Variants in RAPGEF4 observed in about 807,000 individuals in gnomAD.
RAPGEF4 encodes Rap guanine nucleotide exchange factor 4.
RAPGEF4 carries 66 observed loss-of-function variants against 147.9 expected under a neutral mutation model. That is an observed-to-expected ratio of 0.45 (90% CI 0.37 to 0.55). The LOEUF (loss-of-function observed/expected upper bound fraction) is 0.55, where lower values mean the gene tolerates loss of function less well. Ranked by LOEUF, RAPGEF4 falls within the 20% of genes least tolerant of loss-of-function variation. RAPGEF4 has a pLI of 0.00. For missense variants in RAPGEF4, 1,071 were observed against 1,257.3 expected, an observed-to-expected ratio of 0.85 and a Z score of 2.24; for synonymous variants, 419 against 442.7, an observed-to-expected ratio of 0.95 and a Z score of 0.67.
intron 7 of RAPGEF4, 59 bp from the exon 8 acceptor site, chr2:172,961,059 GGTTT>G: frequency 8.0e-7 from 1 of 1,245,698 alleles, no homozygotes. Context: ...GGATTTGTTT[GGTTT>G]GTTTTCCTTC....
intron 4 of RAPGEF4, among the ~76,000 whole-genome samples, chr2:172,836,924 AG>A: frequency 6.6e-6 from 1 of 152,284 alleles, no homozygotes; most frequent in South Asian, 2.1e-4. Context: ...ATTCAGAGTG[AG>A]AGATTTGTGA....
In RAPGEF4 at chr2:172,873,434, T is replaced by C. The variant is rs373891280; in HGVS notation, c.445-44368T>C. On this transcript the variant is annotated intron_variant, in intron 4 of 30. Coordinates refer to ENST00000397081, the MANE Select transcript of RAPGEF4 (RefSeq NM_007023.4). ...TTATAACCTTGGCATAGTCTTTAGA[T>C]TGTATATCTTACAAAGGATACAAGA... is the stretch of plus-strand genomic sequence containing the variant. Among the ~76,000 whole-genome samples, 252 of 152,352 alleles carry C rather than the reference T, an allele frequency of 1.7e-3. 1 individual carries two copies. The highest frequency in any genetic ancestry group is 5.6e-3 in the African/African-American group (233 of 41,590).
intron 3 of RAPGEF4, among the ~76,000 whole-genome samples, chr2:172,809,703 A>G (rs1467412066): frequency 6.6e-6 from 1 of 151,802 alleles, no homozygotes; most frequent in East Asian, 1.9e-4. Context: ...GCTAATTTTT[A>G]ATTTATTTTT....
chr2:172,757,215 A>G (rs1209103235), intron 1 of RAPGEF4, among the ~76,000 whole-genome samples: 2 of 152,238 alleles, frequency 1.3e-5, no homozygotes, highest in African/African-American at 4.8e-5. Context: ...ATTTCATACA[A>G]GTTTATCCCA....
intron 4 of RAPGEF4, chr2:172,822,092 T>A: frequency 1.5e-6 from 2 of 1,313,782 alleles, no homozygotes; most frequent in South Asian, 2.7e-5. Flanking sequence ...TCTAATTATG[T>A]TCCACCAGAC....
intron 4 of RAPGEF4, among the ~76,000 whole-genome samples, chr2:172,882,156 C>A (rs1696703172): frequency 1.3e-5 from 2 of 152,170 alleles, no homozygotes; most frequent in South Asian, 4.1e-4. Context: ...AACCATCTGT[C>A]CTTGTGTTCC....
intron 6 of RAPGEF4, among the ~76,000 whole-genome samples, chr2:172,951,307 A>G (rs957502520): frequency 3.3e-5 from 5 of 152,198 alleles, no homozygotes; most frequent in African/African-American, 9.7e-5. Flanking sequence ...AGTTACTCTC[A>G]GTTTTCTCTT....
At chr2:172,938,251 C>T (rs1164264387) in intron 6 of RAPGEF4, among the ~76,000 whole-genome samples, 2 of 136,698 alleles carry the variant, frequency 1.5e-5, no homozygotes, top group Non-Finnish European at 3.2e-5. Context: ...ACACAGACAA[C>T]CATCTGTATC....
intron 5 of RAPGEF4, among the ~76,000 whole-genome samples, chr2:172,918,685 A>G (rs1684379503): frequency 6.6e-6 from 1 of 152,158 alleles, no homozygotes; most frequent in Non-Finnish European, 1.5e-5. Context: ...AAACATGGTT[A>G]GCGTTCGTTA....
chr2:172,942,136 A>G (rs1687221072), intron 6 of RAPGEF4, among the ~76,000 whole-genome samples: 1 of 150,864 alleles, frequency 6.6e-6, no homozygotes, highest in Non-Finnish European at 1.5e-5. Context: ...TTGATGAGAC[A>G]TTTGAAATTT....
chr2:172,770,174 G>T (rs956869546), intron 1 of RAPGEF4, among the ~76,000 whole-genome samples: 1 of 152,132 alleles, frequency 6.6e-6, no homozygotes, highest in Admixed American at 6.5e-5. Flanking sequence ...TTCTCCTCTG[G>T]TCAGCTACTC....
chr2:172,997,225 C>A (rs183813225), intron 16 of RAPGEF4, among the ~76,000 whole-genome samples: 15 of 152,136 alleles, frequency 9.9e-5, no homozygotes, highest in Admixed American at 9.2e-4. Flanking sequence ...ATGCATCATC[C>A]GGATCTCTGC....
intron 17 of RAPGEF4, among the ~76,000 whole-genome samples, chr2:173,004,149 C>T (rs1694217041): frequency 6.6e-6 from 1 of 152,140 alleles, no homozygotes; most frequent in African/African-American, 2.4e-5. Flanking sequence ...TCTTAATCCA[C>T]ATTGTGTGTC....
At chr2:172,768,765 G>A (rs190797868) in intron 1 of RAPGEF4, among the ~76,000 whole-genome samples, 2 of 152,332 alleles carry the variant, frequency 1.3e-5, no homozygotes, top group Non-Finnish European at 2.9e-5. Flanking sequence ...TCCATGAAAA[G>A]CTCGACATTG....
chr2:172,835,882 C>T (rs530923125), intron 4 of RAPGEF4, among the ~76,000 whole-genome samples: 4 of 152,126 alleles, frequency 2.6e-5, no homozygotes, highest in Non-Finnish European at 5.9e-5. Context: ...CTAAGACTAG[C>T]GAGCATTCCA....
chr2:172,941,035 T>C (rs1197249086), intron 6 of RAPGEF4, among the ~76,000 whole-genome samples: 2 of 152,206 alleles, frequency 1.3e-5, no homozygotes, highest in African/African-American at 4.8e-5. Flanking sequence ...TGCTGATATG[T>C]GGAAAAACAA....
intron 6 of RAPGEF4, among the ~76,000 whole-genome samples, chr2:172,933,187 C>A (rs1575290904): frequency 2.0e-5 from 3 of 152,054 alleles, no homozygotes; most frequent in Non-Finnish European, 4.4e-5. Context: ...TTACTAAATT[C>A]TTTGAATCCT....
chr2:172,961,257 C>T (rs2105462672), intron 8 of RAPGEF4, 29 bp downstream of exon 8: 4 of 1,481,102 alleles, frequency 2.7e-6, no homozygotes, highest in South Asian at 1.1e-5. Context: ...AAGGCTGTGC[C>T]CCGCTCATAT....
At chr2:172,756,303 GCCGTTTC>G (rs1408815616) in intron 1 of RAPGEF4, among the ~76,000 whole-genome samples, 1 of 152,166 alleles carries the variant, frequency 6.6e-6, no homozygotes, top group Non-Finnish European at 1.5e-5. Context: ...GTGCTCCAGT[GCCGTTTC>G]CCATGGCCCT....
Sources: allele counts gnomAD v4.1 joint callset (sites outside exome capture counted in the v4.1 genomes callset), GRCh38; gene constraint gnomAD v4.1.1; transcripts MANE v1.5; gene names NCBI Gene and HGNC (gene_info 2026-07-23, HGNC 2026-07-21).